BDNF: variants seen among roughly 807,000 people sequenced by gnomAD.
BDNF encodes the protein neurotrophic factor BDNF precursor form.
A neutral mutation model predicts 19.5 loss-of-function variants in BDNF; 1 was observed. The observed-to-expected ratio is 0.05, with a 90% CI of 0.02 to 0.24. BDNF has a LOEUF of 0.24. Ranked by LOEUF, BDNF falls within the 10% of genes least tolerant of loss-of-function variation. The pLI is 1.00. For missense variants in BDNF, 195 were observed against 317.6 expected (o/e 0.61, Z 2.93); for synonymous variants, 100 against 121.6 (o/e 0.82, Z 1.17).
chr11:27,720,706 A>C (rs1376636508), intron 1 of BDNF: 1 of 985,888 alleles, frequency 1.0e-6, no homozygotes, highest in African/African-American at 1.7e-5. Flanking sequence ...ATGGACTCCT[A>C]TCGCCCGGAT....
At chr11:27,711,426 A>G (rs1225270086) in intron 1 of BDNF, among the ~76,000 whole-genome samples, 1 of 152,252 alleles carries the variant, frequency 6.6e-6, no homozygotes, top group Non-Finnish European at 1.5e-5. Context: ...AGCAAAGATC[A>G]AAATGATTCT....
chr11:27,677,700 GC>G (rs1328140752), intron 1 of BDNF: 2 of 152,188 alleles, frequency 1.3e-5, no homozygotes, highest in Non-Finnish European at 2.9e-5. Context: ...TATAAGTGGG[GC>G]AAGACTTTTC....
At position 27,656,787 on chromosome 11, in the gene BDNF, GTTA is replaced by G. The variant is rs531946075; in HGVS notation, c.*1031_*1033del. On this transcript the variant is annotated 3_prime_UTR_variant, in exon 2 of 2. Coordinates refer to ENST00000356660, the MANE Select transcript of BDNF (RefSeq NM_001709.5). ...CATAAAAAATAATCTTCATTTTGGG[GTTA>G]TTTTTTGTTGTTTTCTGTTCTAAAA... The G allele has an allele frequency of 1.0e-6, 1 of 984,932 alleles. No individual in the cohort carries two copies. The allele number at this position is 984,932 out of a possible 1,614,324, so 61.0% of individuals were successfully genotyped here.
chr11:27,694,976 T>C (rs1478421303), intron 1 of BDNF, among the ~76,000 whole-genome samples: 3 of 152,226 alleles, frequency 2.0e-5, no homozygotes, highest in African/African-American at 4.8e-5. Context: ...TATTCTACAT[T>C]TGGCTACATT....
intron 1 of BDNF, among the ~76,000 whole-genome samples, chr11:27,720,076 A>G (rs968401805): frequency 6.6e-6 from 1 of 152,214 alleles, no homozygotes; most frequent in African/African-American, 2.4e-5. Context: ...GGAGAAAAAG[A>G]GAGATAAATC....
intron 1 of BDNF, chr11:27,699,460 G>C (rs1564988118): frequency 6.2e-7 from 1 of 1,613,856 alleles, no homozygotes; most frequent in East Asian, 2.2e-5. Flanking sequence ...ACCACTCCCC[G>C]AAAGTCAAAA....
rs963607292 is a variant in BDNF at position 27,657,462 on chromosome 11, TG to T, written c.*358del. ...TTCAAATTTTTGTTGTGTGTGTGTG[TG>T]TTTTTTTTCTGTTTTCTGAAAGAGG... On this transcript the variant is annotated 3_prime_UTR_variant, in exon 2 of 2. Coordinates refer to ENST00000356660, the MANE Select transcript of BDNF (RefSeq NM_001709.5). This position sits in a 1 kb window ranked among gnomAD's most constrained non-coding sequence, Gnocchi z 5.0. The T allele has an allele frequency of 1.0e-4, 84 of 840,610 alleles. No individual in the cohort carries two copies. The highest frequency in any genetic ancestry group is 1.1e-4 in the Non-Finnish European group (78 of 695,128). 52.1% of individuals were successfully genotyped at this position (840,610 alleles called of 1,614,324 possible). A position where few individuals can be genotyped will look rare whatever the true frequency, so the allele number is the denominator to read the frequency against.
At chr11:27,679,666 A>G (rs1310649698) in intron 1 of BDNF, among the ~76,000 whole-genome samples, 4 of 152,188 alleles carry the variant, frequency 2.6e-5, no homozygotes, top group African/African-American at 9.6e-5. Flanking sequence ...CAAATGGCCA[A>G]CTTTGCATGG....
At chr11:27,671,951 GTTAAC>G (rs1048804126) in intron 1 of BDNF, among the ~76,000 whole-genome samples, 1 of 152,164 alleles carries the variant, frequency 6.6e-6, no homozygotes, top group Non-Finnish European at 1.5e-5. Context: ...AAAGGTTGAA[GTTAAC>G]TTAAGTATTA....
At chr11:27,717,890 T>C (rs1860574687) in intron 1 of BDNF, among the ~76,000 whole-genome samples, 1 of 151,266 alleles carries the variant, frequency 6.6e-6, no homozygotes, top group African/African-American at 2.5e-5. Context: ...TGTGTGTGTG[T>C]GTAGAGGATG....
chr11:27,705,736 A>C (rs1860082697), intron 1 of BDNF, among the ~76,000 whole-genome samples: 1 of 152,262 alleles, frequency 6.6e-6, no homozygotes, highest in Admixed American at 6.5e-5. Context: ...TTAGTCTGGC[A>C]TACAGAATCA....
chr11:27,676,450 G>T (rs1856122236), intron 1 of BDNF, among the ~76,000 whole-genome samples: 2 of 152,108 alleles, frequency 1.3e-5, no homozygotes, highest in East Asian at 3.9e-4. Context: ...AGAAAAATAA[G>T]ACTAAGAATC....
intron 1 of BDNF, chr11:27,673,987 C>G: frequency 6.9e-7 from 1 of 1,448,320 alleles, no homozygotes; most frequent in Non-Finnish European, 9.2e-7. Flanking sequence ...CACTCCTTTT[C>G]AAACTATTAT....
chr11:27,700,758 AGGGGT>A, upstream of BDNF: 16 of 1,190,488 alleles, frequency 1.3e-5, no homozygotes, highest in South Asian at 2.2e-4. Flanking sequence ...CGCGGCTTCG[AGGGGT>A]GTTCCAGCCC....
chr11:27,693,875 A>G (rs969674201), intron 1 of BDNF, among the ~76,000 whole-genome samples: 1 of 152,236 alleles, frequency 6.6e-6, no homozygotes, highest in Non-Finnish European at 1.5e-5. Context: ...TGATTAGACT[A>G]AATCCCATGT....
chr11:27,709,698 G>A (rs1451946719), intron 1 of BDNF, among the ~76,000 whole-genome samples: 1 of 152,146 alleles, frequency 6.6e-6, no homozygotes, highest in Non-Finnish European at 1.5e-5. Context: ...GCCCAAGATT[G>A]TTCAGATAGA....
chr11:27,693,486 T>C (rs1858568378), intron 1 of BDNF, among the ~76,000 whole-genome samples: 1 of 152,232 alleles, frequency 6.6e-6, no homozygotes, highest in South Asian at 2.1e-4. Context: ...CAATATCTGC[T>C]GGCTTTATGT....
chr11:27,691,201 T>C (rs1858227210), intron 1 of BDNF: 1 of 152,150 alleles, frequency 6.6e-6, no homozygotes, highest in Non-Finnish European at 1.5e-5. Context: ...GGCAAGAAGT[T>C]CTGAAATAAC....
At chr11:27,715,560 T>A (rs1388987043) in intron 1 of BDNF, among the ~76,000 whole-genome samples, 1 of 152,222 alleles carries the variant, frequency 6.6e-6, no homozygotes, top group South Asian at 2.1e-4. Flanking sequence ...AAACTTTCCA[T>A]TAGGCCTGAA....
Sources: gnomAD v4.1 joint callset for allele counts (sites outside exome capture counted in the v4.1 genomes callset) on GRCh38, gnomAD v4.1.1 for gene constraint, Gnocchi (gnomAD v3.1) non-coding constraint, MANE v1.5 for transcripts, NCBI Gene and HGNC (gene_info 2026-07-23, HGNC 2026-07-21) for gene names.